SLA: variants seen among roughly 807,000 people sequenced by gnomAD.
SLA encodes the protein Src like adaptor.
Under a neutral mutation model 30.3 loss-of-function variants are expected in SLA, and 16 were observed. The ratio of observed to expected loss-of-function variants is 0.53; its 90% confidence interval spans 0.36 to 0.80. The LOEUF is 0.80. Among genes scored for constraint, SLA ranks in the 30% least tolerant of loss-of-function variants. SLA has a pLI of 0.01. For missense variants in SLA, 310 were observed against 345.2 expected (o/e 0.90, Z 0.81); for synonymous variants, 143 against 137.8 (o/e 1.04, Z -0.26).
At chr8:133,080,782 A>G (rs1038398668) in intron 1 of SLA, among the ~76,000 whole-genome samples, 1 of 152,132 alleles carries the variant, frequency 6.6e-6, no homozygotes, top group Non-Finnish European at 1.5e-5. Flanking sequence ...CATGCACTTC[A>G]CCACTGCCCT....
intron 1 of SLA, among the ~76,000 whole-genome samples, chr8:133,091,537 G>T (rs1325583764): frequency 6.6e-6 from 1 of 152,132 alleles, no homozygotes; most frequent in African/African-American, 2.4e-5. Context: ...GGGAAATGCT[G>T]CAGGGTCCAT....
chr8:133,099,447 C>T (rs1848921207), intron 1 of SLA, among the ~76,000 whole-genome samples: 1 of 152,212 alleles, frequency 6.6e-6, no homozygotes, highest in South Asian at 2.1e-4. Flanking sequence ...GCTCACAGCT[C>T]AGTGCCACTG....
At position 133,049,199 on chromosome 8, in the gene SLA, G is replaced by C. The variant is rs1332376936; in HGVS notation, c.248+703C>G. 4 of 455,316 alleles carry C rather than the reference G, an allele frequency of 8.8e-6. No homozygotes were observed. In the East Asian group the frequency reaches 2.8e-4, roughly 32 times the overall value. 28.2% of individuals were successfully genotyped at this position (455,316 alleles called of 1,614,324 possible). ...ACTGGAACGACTACAGGGGAAAGCA[G>C]GGTGCTTATTTTCTTATCTGTTGAG... is the stretch of plus-strand genomic sequence containing the variant. On this transcript the variant is annotated intron_variant, in intron 5 of 8. Coordinates refer to ENST00000338087, the MANE Select transcript of SLA (RefSeq NM_001045556.3).
chr8:133,050,049 A>G (rs1564117995), intron 4 of SLA, 61 bp from the exon 5 acceptor site: 2 of 1,052,260 alleles, frequency 1.9e-6, no homozygotes, highest in East Asian at 2.4e-5. Context: ...CAAAGGATGA[A>G]TGAACAGAGT....
At chr8:133,056,635 C>T (rs900011166) in intron 3 of SLA, among the ~76,000 whole-genome samples, 1 of 152,156 alleles carries the variant, frequency 6.6e-6, no homozygotes, top group African/African-American at 2.4e-5. Context: ...CTCAGATTCT[C>T]CAACTGCAAA....
chr8:133,088,140 G>T (rs1269433067), intron 1 of SLA, among the ~76,000 whole-genome samples: 1 of 152,196 alleles, frequency 6.6e-6, no homozygotes, highest in African/African-American at 2.4e-5. Flanking sequence ...GTGAATCAAA[G>T]CAACTTGGGA....
chr8:133,096,134 T>C, intron 1 of SLA: 1 of 1,579,858 alleles, frequency 6.3e-7, no homozygotes, highest in Non-Finnish European at 8.7e-7. Flanking sequence ...TTCAGTATGG[T>C]TAAGACCTCT....
chr8:133,084,121 G>C (rs1318981095), intron 1 of SLA, among the ~76,000 whole-genome samples: 1 of 152,160 alleles, frequency 6.6e-6, no homozygotes, highest in Non-Finnish European at 1.5e-5. Context: ...TGCTGGTCAA[G>C]AGCTGGCCCA....
At position 133,037,508 on chromosome 8, in the gene SLA, C is replaced by T. The variant is rs1459127551; in HGVS notation, c.*1016G>A. On this transcript the variant is annotated 3_prime_UTR_variant, in exon 9 of 9. Transcript: ENST00000338087. The stretch of plus-strand genomic sequence containing the variant: ...TGAAGAGCAGCTGGAAAATGAGCTC[C>T]TGAGTGTCCCTCACCTGTCTCTAAT... The T allele has an allele frequency of 6.6e-6, 1 of 152,218 alleles. No homozygotes were observed. The highest frequency in any genetic ancestry group is 2.4e-5 in the African/African-American group (1 of 41,450). 9.4% of individuals were successfully genotyped at this position (152,218 alleles called of 1,614,324 possible).
chr8:133,038,528 T>C lies in SLA; in HGVS notation c.827A>G (p.Asp276Gly). 1 of 1,607,974 alleles carries C rather than the reference T, an allele frequency of 6.2e-7. No homozygotes were observed. Among genetic ancestry groups the C allele is most frequent in the Non-Finnish European group, 8.5e-7 (1 of 1,174,256 alleles). ...AACCATTGTGTCTGTTCTTGGCTAG[T>C]CCTCAAAGTAAGGTGGTGATGAGAA... ...SFFSSPPYFED is the reference protein window; with the variant it reads ...SFFSSPPYFEG The change falls in exon 9 of 9, where the codon GAC becomes GGC. Residue 276 changes from aspartate (D) to glycine (G), a missense_variant. Coordinates refer to ENST00000338087, the MANE Select transcript of SLA (RefSeq NM_001045556.3).
chr8:133,085,295 C>A (rs1169040479), intron 1 of SLA, among the ~76,000 whole-genome samples: 1 of 152,120 alleles, frequency 6.6e-6, no homozygotes, highest in East Asian at 1.9e-4. Context: ...TTGCACTAGG[C>A]AAGCATTTCT....
At chr8:133,062,416 G>A (rs796484552) in intron 2 of SLA, among the ~76,000 whole-genome samples, 13 of 152,370 alleles carry the variant, frequency 8.5e-5, no homozygotes, top group African/African-American at 2.9e-4. Context: ...AACACAGCAG[G>A]TGGCGTGACT....
At chr8:133,047,269 G>A (rs1839596864) in intron 6 of SLA, 1 of 152,580 alleles carries the variant, frequency 6.6e-6, no homozygotes, top group African/African-American at 2.4e-5. Context: ...TAGTGATGAT[G>A]GTGACTGTGT....
intron 2 of SLA, among the ~76,000 whole-genome samples, chr8:133,067,342 G>T (rs1243348863): frequency 1.3e-5 from 2 of 152,110 alleles, no homozygotes; most frequent in South Asian, 4.1e-4. Flanking sequence ...GCAGAGGAGG[G>T]CTGCGGCATA....
At chr8:133,062,092 A>G (rs16904816) in intron 2 of SLA, among the ~76,000 whole-genome samples, 2,729 of 152,360 alleles carry the variant, frequency 0.018, 31 homozygotes, top group Non-Finnish European at 0.03. Context: ...AACGGGCAGC[A>G]TGTTTAAAGT....
chr8:133,056,175 A>C (rs909134246), intron 3 of SLA, among the ~76,000 whole-genome samples: 2 of 152,180 alleles, frequency 1.3e-5, no homozygotes, highest in East Asian at 3.9e-4. Context: ...AAATTAATTT[A>C]CTTAAAAAAA....
chr8:133,063,967 A>G (rs184110884), intron 2 of SLA: 4 of 152,374 alleles, frequency 2.6e-5, no homozygotes, highest in African/African-American at 7.2e-5. Context: ...TACCGGAGAC[A>G]TAATTGCTTC....
intron 2 of SLA, among the ~76,000 whole-genome samples, chr8:133,065,917 C>T (rs1025583954): frequency 2.6e-5 from 4 of 152,162 alleles, no homozygotes; most frequent in South Asian, 2.1e-4. Context: ...TTTGGAAGCC[C>T]GGGTCTGGGT....
At chr8:133,038,783 G>A (rs111686161) in intron 8 of SLA, 46 bp from the exon 9 acceptor site, 1 of 1,355,220 alleles carries the variant, frequency 7.4e-7, no homozygotes, top group Non-Finnish European at 1.0e-6. Flanking sequence ...AAAAAAGAGA[G>A]TCATAGAGAG....
Sources: gnomAD v4.1 joint callset for allele counts (sites outside exome capture counted in the v4.1 genomes callset) on GRCh38, gnomAD v4.1.1 for gene constraint, MANE v1.5 for transcripts, NCBI Gene and HGNC (gene_info 2026-07-23, HGNC 2026-07-21) for gene names.